JDP2: variants seen among roughly 807,000 people sequenced by gnomAD.
The protein encoded by JDP2 is progesterone receptor co-activator.
JDP2 carries 9 observed loss-of-function variants against 17.1 expected under a neutral mutation model. The ratio of observed to expected loss-of-function variants is 0.53; its 90% CI spans 0.32 to 0.92. The LOEUF is 0.92. JDP2 is among the 40% of genes least tolerant of loss of function. JDP2 has a pLI of 0.04. For missense variants in JDP2, 179 were observed against 220.0 expected, an observed-to-expected ratio of 0.81 and a Z score of 1.18; for synonymous variants, 107 against 95.6, an observed-to-expected ratio of 1.12 and a Z score of -0.69.
At chr14:75,452,865 GC>G (rs893363934) in intron 2 of JDP2, among the ~76,000 whole-genome samples, 2 of 152,170 alleles carry the variant, frequency 1.3e-5, no homozygotes, top group Non-Finnish European at 2.9e-5. Context: ...CTAAAGCCCT[GC>G]CCGCTGTTCA....
At position 75,470,242 on chromosome 14, in the gene JDP2, C is replaced by G. The variant is rs528551036; in HGVS notation, c.*767C>G. ...ATACAAGCAATATATATATGGATTT[C>G]TATAATCACTCGATGTGATACAGTA... On this transcript the variant is annotated 3_prime_UTR_variant, in exon 4 of 4. Transcript: ENST00000651602. 7.3e-6 allele frequency: 1 copy of G among 137,444 alleles called. No homozygotes were observed. 8.5% of individuals were successfully genotyped at this position (137,444 alleles called of 1,614,324 possible).
intron 1 of JDP2, chr14:75,432,203 C>A: frequency 1.1e-6 from 1 of 921,328 alleles, no homozygotes; most frequent in Non-Finnish European, 1.7e-6. Flanking sequence ...TTGCTTCTCG[C>A]CTTCTGGATC....
At position 75,430,871 on chromosome 14, in the gene JDP2, G is replaced by T. The variant is rs1884766173; in HGVS notation, c.-24+2619G>T. Among the ~76,000 whole-genome samples, 1 of 152,180 alleles carries T rather than the reference G, an allele frequency of 6.6e-6. No homozygotes were observed. The highest frequency in any genetic ancestry group is 2.4e-5 in the African/African-American group (1 of 41,440). ...CAGAGACAAATGCCTTAGCGACCCA[G>T]TCTTGGAATTTTCAGACTGTGTTTC... On this transcript the variant is annotated intron_variant, in intron 1 of 3. Transcript: ENST00000651602. The surrounding 1 kb of genome is among the most constrained non-coding windows in gnomAD (Gnocchi z 4.5).
chr14:75,468,483 C>G (rs1384025941), intron 3 of JDP2, among the ~76,000 whole-genome samples: 4 of 151,928 alleles, frequency 2.6e-5, no homozygotes, highest in Non-Finnish European at 5.9e-5. Context: ...ATCCCCCAAG[C>G]CTTGAATCGA....
intron 3 of JDP2, among the ~76,000 whole-genome samples, chr14:75,465,238 C>T (rs1360681144): frequency 6.6e-6 from 1 of 152,228 alleles, no homozygotes; most frequent in Non-Finnish European, 1.5e-5. Flanking sequence ...GCATATCAGG[C>T]TGCTTCTCAG....
rs969387397 is a variant in JDP2, at chr14:75,471,149, T to C, written c.*1674T>C. Reference sequence around the variant, plus strand: ...AGCTTATGAGGCCACAGTTATAGATTTAGTTTCTGGGAAGGCTGGATAGAG... The same window carrying C: ...AGCTTATGAGGCCACAGTTATAGATCTAGTTTCTGGGAAGGCTGGATAGAG... On this transcript the variant is annotated 3_prime_UTR_variant, in exon 4 of 4. Coordinates refer to ENST00000651602, the MANE Select transcript of JDP2 (RefSeq NM_001135048.2). The C allele has an allele frequency of 1.3e-5, 2 of 152,190 alleles. No individual in the cohort carries two copies. The highest frequency in any genetic ancestry group is 4.8e-5 in the African/African-American group (2 of 41,434). The allele number at this position is 152,190 out of a possible 1,614,324, so 9.4% of individuals were successfully genotyped here. A position where few individuals can be genotyped will look rare whatever the true frequency, so the allele number is the denominator to read the frequency against.
In JDP2 at chr14:75,438,105, A is replaced by G. The variant is rs760581429; in HGVS notation, c.185A>G (p.Gln62Arg). ...FLEVKLGKRP[Q>R]PVKSELDEEE... ...GAGGTGAAACTGGGCAAGAGGCCCC[A>G]GCCCGTGAAAAGTGAGGTGAGCGAG... The change falls in exon 2 of 4, where the codon CAG (glutamine) becomes CGG (arginine). Residue 62 changes from glutamine (Q) to arginine (R), a missense_variant. Coordinates refer to ENST00000651602, the MANE Select transcript of JDP2 (RefSeq NM_001135048.2). 1.9e-6 allele frequency: 3 copies of G among 1,610,052 alleles called. No homozygotes were observed. The highest frequency in any genetic ancestry group is 2.5e-6 in the Non-Finnish European group (3 of 1,177,156).
intron 2 of JDP2, among the ~76,000 whole-genome samples, chr14:75,441,962 C>G (rs1885376381): frequency 6.6e-6 from 1 of 152,012 alleles, no homozygotes; most frequent in Non-Finnish European, 1.5e-5. Context: ...TGAAGCCCCA[C>G]CCTTGCACAC....
At chr14:75,444,373 C>A (rs989464879) in intron 2 of JDP2, among the ~76,000 whole-genome samples, 5 of 152,142 alleles carry the variant, frequency 3.3e-5, no homozygotes, top group Admixed American at 3.3e-4. Context: ...CTTGTATTGA[C>A]CTGAGGGTAT....
intron 1 of JDP2, among the ~76,000 whole-genome samples, chr14:75,435,057 G>A (rs1181691023): frequency 6.6e-6 from 1 of 152,224 alleles, no homozygotes; most frequent in Non-Finnish European, 1.5e-5. Flanking sequence ...TGCTGGCCGC[G>A]TGGCCACATG....
At chr14:75,448,898 T>C (rs12433077) in intron 2 of JDP2, among the ~76,000 whole-genome samples, 50,960 of 152,066 alleles carry the variant, frequency 0.34, 8,657 homozygotes, top group East Asian at 0.5. Flanking sequence ...TCTGCCTCAG[T>C]GTGGCAAAGC....
chr14:75,461,279 C>T (rs1886335432), intron 2 of JDP2, 147 bp from the exon 3 acceptor site: 2 of 642,376 alleles, frequency 3.1e-6, no homozygotes, highest in Non-Finnish European at 5.6e-6. Flanking sequence ...TCCAACTCTC[C>T]AGGCAGTGGG....
intron 3 of JDP2, among the ~76,000 whole-genome samples, chr14:75,464,377 G>C (rs533728540): frequency 6.6e-5 from 10 of 152,124 alleles, no homozygotes; most frequent in Non-Finnish European, 1.3e-4. Context: ...GCTGTGATTT[G>C]ACCAACAGTA....
intron 2 of JDP2, among the ~76,000 whole-genome samples, chr14:75,449,605 T>C (rs1246792627): frequency 6.6e-6 from 1 of 152,194 alleles, no homozygotes; most frequent in African/African-American, 2.4e-5. Context: ...GAAGTGACTG[T>C]CAATTGGACA....
At chr14:75,462,435 T>C (rs987774360) in intron 3 of JDP2, among the ~76,000 whole-genome samples, 2 of 152,274 alleles carry the variant, frequency 1.3e-5, no homozygotes, top group African/African-American at 4.8e-5. Context: ...TGCTGAATGC[T>C]GTATGTACAT....
chr14:75,458,098 C>G (rs997360081), intron 2 of JDP2, among the ~76,000 whole-genome samples: 1 of 152,168 alleles, frequency 6.6e-6, no homozygotes, highest in Non-Finnish European at 1.5e-5. Flanking sequence ...CCACACAAAC[C>G]GACGCTTGTG....
chr14:75,438,186 C>A, intron 2 of JDP2, 65 bp downstream of exon 2: 1 of 1,279,836 alleles, frequency 7.8e-7, no homozygotes, highest in Non-Finnish European at 1.1e-6. Context: ...GGGACCTTAA[C>A]CTTGCTGTTC....
intron 2 of JDP2, among the ~76,000 whole-genome samples, chr14:75,444,060 G>A (rs949583119): frequency 2.6e-5 from 4 of 152,018 alleles, no homozygotes; most frequent in Non-Finnish European, 5.9e-5. Flanking sequence ...ATGTCACCAT[G>A]CCTGGCTAAT....
chr14:75,470,318 C>T lies in JDP2; in HGVS notation c.*843C>T, dbSNP rs1375880505. 1 of 148,694 alleles carries T rather than the reference C, an allele frequency of 6.7e-6. No homozygotes were observed. Among genetic ancestry groups the T allele is most frequent in the Non-Finnish European group, 1.5e-5 (1 of 67,508 alleles). The allele number at this position is 148,694 out of a possible 1,614,324, so 9.2% of individuals were successfully genotyped here. ...TGAACAGATAGCCACCAGTTACGGC[C>T]GTTGTGTGTAACTCCTAAGTACTGT... On this transcript the variant is annotated 3_prime_UTR_variant, in exon 4 of 4. Transcript: ENST00000651602.
Sources: allele counts gnomAD v4.1 joint callset (sites outside exome capture counted in the v4.1 genomes callset), GRCh38; gene constraint gnomAD v4.1.1; non-coding constraint Gnocchi (gnomAD v3.1); transcripts MANE v1.5; gene names NCBI Gene and HGNC (gene_info 2026-07-23, HGNC 2026-07-21).